Variants in DPP6 observed in about 807,000 individuals in gnomAD.
The protein encoded by DPP6 is A-type potassium channel modulatory protein DPP6.
Under a neutral mutation model 122.6 loss-of-function variants are expected in DPP6, and 69 were observed. The ratio of observed to expected loss-of-function variants is 0.56; its 90% CI spans 0.46 to 0.69. DPP6 has a LOEUF of 0.69. Ranked by LOEUF, DPP6 falls within the 30% of genes least tolerant of loss-of-function variation. DPP6 has a pLI of 0.00. For synonymous variants in DPP6, 418 were observed against 433.1 expected (o/e 0.97, Z 0.43); for missense variants, 928 against 1,116.9 (o/e 0.83, Z 2.41).
At chr7:154,494,278 C>A (rs1420218927) in intron 3 of DPP6, among the ~76,000 whole-genome samples, 2 of 151,816 alleles carry the variant, frequency 1.3e-5, no homozygotes, top group Admixed American at 1.3e-4. Context: ...ATCACTTGAG[C>A]CTGCGAGGGA....
At chr7:153,829,158 C>T in the DPP6 span, among the ~76,000 whole-genome samples, 1 of 152,172 alleles carries the variant, frequency 6.6e-6, no homozygotes, top group African/African-American at 2.4e-5. Flanking sequence ...TTATAAAACA[C>T]TCAAAGTCTT....
At chr7:154,831,583 T>A (rs767531821) in intron 16 of DPP6, among the ~76,000 whole-genome samples, 48 of 152,340 alleles carry the variant, frequency 3.2e-4, no homozygotes, top group Non-Finnish European at 5.9e-4. Context: ...TGACAGTTTA[T>A]GAATGTTACA....
rs147487576 is a variant in DPP6, at chr7:154,481,530, C to T, written c.457+6493C>T. Among the ~76,000 whole-genome samples the T allele has an allele frequency of 4.4e-3, 675 of 151,728 alleles. 7 individuals carry two copies. The highest frequency in any genetic ancestry group is 0.014 in the Middle Eastern group (4 of 294). On this transcript the variant is annotated intron_variant, in intron 3 of 25. Transcript: ENST00000377770. The surrounding 1 kb of genome is among the most constrained non-coding windows in gnomAD (Gnocchi z 4.2). ...CTGTGCGAGCACAGCCCTGGCCCCC[C>T]GACCCTCCATGTCTCAGACTCTACA... is the stretch of plus-strand genomic sequence containing the variant.
chr7:154,480,176 G>A (rs561563381), intron 3 of DPP6, among the ~76,000 whole-genome samples: 10 of 152,236 alleles, frequency 6.6e-5, no homozygotes, highest in Admixed American at 2.0e-4. Context: ...TATCATGAAC[G>A]AAATGTGGTC....
rs1269184598 is a variant in DPP6, at chr7:154,618,414, C to T, written c.628-19407C>T. 6.6e-6 allele frequency among the ~76,000 whole-genome samples: 1 copy of T among 152,196 alleles called. No individual in the cohort carries two copies. Among genetic ancestry groups the T allele is most frequent in the East Asian group, 1.9e-4 (1 of 5,188 alleles). On this transcript the variant is annotated intron_variant, in intron 5 of 25. Coordinates refer to ENST00000377770, the MANE Select transcript of DPP6 (RefSeq NM_130797.4). This position sits in a 1 kb window ranked among gnomAD's most constrained non-coding sequence, Gnocchi z 4.1. Reference sequence around the variant, plus strand: ...CTGGATTTCAGACCCTTCCTGTGCACACACACTGTTGCTTGCCCAGACATG... The same window carrying T: ...CTGGATTTCAGACCCTTCCTGTGCATACACACTGTTGCTTGCCCAGACATG...
chr7:154,266,161 G>A (rs922243233), intron 1 of DPP6, among the ~76,000 whole-genome samples: 11 of 152,228 alleles, frequency 7.2e-5, no homozygotes, highest in Non-Finnish European at 1.0e-4. Flanking sequence ...TAACTAAACC[G>A]ATCAGACTGG....
At chr7:154,781,648 G>A (rs911125425) in intron 10 of DPP6, among the ~76,000 whole-genome samples, 4 of 152,176 alleles carry the variant, frequency 2.6e-5, no homozygotes, top group African/African-American at 9.7e-5. Flanking sequence ...ATTTAGGGTC[G>A]TTTCAGTTTG....
At chr7:154,230,747 A>G (rs747048415) in intron 1 of DPP6, among the ~76,000 whole-genome samples, 5 of 152,248 alleles carry the variant, frequency 3.3e-5, no homozygotes, top group Non-Finnish European at 7.3e-5. Flanking sequence ...GTGGCCTTGC[A>G]GATTTTCTGA....
the DPP6 span, among the ~76,000 whole-genome samples, chr7:153,846,365 A>T: frequency 1.3e-5 from 2 of 152,198 alleles, no homozygotes; most frequent in Non-Finnish European, 2.9e-5. Context: ...TTCTGGATAC[A>T]AGTCCTTTGT....
intron 1 of DPP6, among the ~76,000 whole-genome samples, chr7:153,961,837 G>A (rs192723854): frequency 7.9e-5 from 8 of 101,084 alleles, no homozygotes; most frequent in Non-Finnish European, 1.3e-4. Context: ...ACTCCTATGA[G>A]GATCTGATGC....
At chr7:153,812,225 C>A in the DPP6 span, among the ~76,000 whole-genome samples, 2 of 152,104 alleles carry the variant, frequency 1.3e-5, no homozygotes, top group Admixed American at 6.6e-5. Flanking sequence ...CATTTCCAGC[C>A]AGGTCGATTC....
chr7:153,922,023 G>A (rs575779829), intron 1 of DPP6, among the ~76,000 whole-genome samples: 6 of 152,302 alleles, frequency 3.9e-5, no homozygotes, highest in East Asian at 1.9e-4. Flanking sequence ...GGCTTTGCAC[G>A]TCAGGCCCAG....
At chr7:154,005,403 C>T (rs891572502) in intron 1 of DPP6, among the ~76,000 whole-genome samples, 4 of 151,950 alleles carry the variant, frequency 2.6e-5, no homozygotes, top group South Asian at 4.2e-4. Flanking sequence ...AAAGGTCGAA[C>T]GCTTGGTGGT....
intron 2 of DPP6, among the ~76,000 whole-genome samples, chr7:154,466,643 C>T (rs752816751): frequency 9.8e-5 from 15 of 152,298 alleles, no homozygotes; most frequent in South Asian, 8.3e-4. Context: ...TCCTTAAAGG[C>T]GCTATCTCCA....
At chr7:154,158,912 C>G (rs1384153773) in intron 1 of DPP6, among the ~76,000 whole-genome samples, 2 of 151,918 alleles carry the variant, frequency 1.3e-5, no homozygotes, top group Non-Finnish European at 1.5e-5. Flanking sequence ...AAGGGTGTCT[C>G]GCTCTTCCAT....
chr7:154,290,550 G>A (rs890078246), intron 1 of DPP6, among the ~76,000 whole-genome samples: 1 of 151,624 alleles, frequency 6.6e-6, no homozygotes, highest in African/African-American at 2.4e-5. Context: ...GCTGAGGCAG[G>A]AGAATCCCTT....
chr7:153,932,574 G>A (rs1801223304), intron 1 of DPP6, among the ~76,000 whole-genome samples: 1 of 152,138 alleles, frequency 6.6e-6, no homozygotes, highest in African/African-American at 2.4e-5. Context: ...CTCATGTGTG[G>A]CAAGAACAAA....
At position 154,282,139 on chromosome 7, in the gene DPP6, C is replaced by A. The variant is rs543296938; in HGVS notation, c.244-164075C>A. Among the ~76,000 whole-genome samples the A allele has an allele frequency of 6.6e-4, 100 of 152,098 alleles. 1 individual carries two copies. The highest frequency in any genetic ancestry group is 1.3e-3 in the Non-Finnish European group (88 of 68,030). ...GGGTGGGGACAGGGCTGGCACAGTG[C>A]CTGGCATGTTCTAACCATCTATAAT... On this transcript the variant is annotated intron_variant, in intron 1 of 25. Coordinates refer to ENST00000377770, the MANE Select transcript of DPP6 (RefSeq NM_130797.4). The surrounding 1 kb of genome is among the most constrained non-coding windows in gnomAD (Gnocchi z 4.8).
At chr7:153,859,590 C>G in the DPP6 span, among the ~76,000 whole-genome samples, 2 of 152,160 alleles carry the variant, frequency 1.3e-5, no homozygotes, top group Non-Finnish European at 2.9e-5. Context: ...GGGCATCATC[C>G]TGTTTACTGC....
Sources: gnomAD v4.1 joint callset for allele counts (sites outside exome capture counted in the v4.1 genomes callset) on GRCh38, gnomAD v4.1.1 for gene constraint, Gnocchi (gnomAD v3.1) non-coding constraint, MANE v1.5 for transcripts, NCBI Gene and HGNC (gene_info 2026-07-23, HGNC 2026-07-21) for gene names.